The following FOXP2 variants were observed in gnomAD, a reference collection of about 807,000 sequenced individuals.
FOXP2 encodes the protein forkhead box P2.
Under a neutral mutation model 115.8 loss-of-function variants are expected in FOXP2, and 12 were observed. That is an observed-to-expected ratio of 0.10 (90% CI 0.07 to 0.17). The LOEUF is 0.17. Ranked by LOEUF, FOXP2 falls within the 10% of genes least tolerant of loss-of-function variation. The pLI, the probability that FOXP2 is intolerant of heterozygous loss-of-function variation, is 1.00. For synonymous variants in FOXP2, 328 were observed against 297.7 expected (o/e 1.10, Z -1.05); for missense variants, 629 against 843.5 (o/e 0.75, Z 3.15).
At chr7:114,290,363 G>A (rs933495939) in intron 2 of FOXP2, among the ~76,000 whole-genome samples, 1 of 151,828 alleles carries the variant, frequency 6.6e-6, no homozygotes, top group African/African-American at 2.4e-5. Context: ...TAGGCATGTG[G>A]GTGGATGTGT....
intron 2 of FOXP2, among the ~76,000 whole-genome samples, chr7:114,513,511 G>A (rs1236245676): frequency 6.6e-6 from 1 of 152,092 alleles, no homozygotes; most frequent in African/African-American, 2.4e-5. Context: ...AAGGAGTTGA[G>A]CCTAAGATTC....
intron 1 of FOXP2, among the ~76,000 whole-genome samples, chr7:114,271,930 T>C (rs1487064221): frequency 1.6e-5 from 2 of 127,606 alleles, no homozygotes; most frequent in East Asian, 4.3e-4. Flanking sequence ...ATAATTATTA[T>C]AATATTAATA....
chr7:114,153,040 A>T (rs1792568074), intron 1 of FOXP2, among the ~76,000 whole-genome samples: 1 of 152,166 alleles, frequency 6.6e-6, no homozygotes, highest in Non-Finnish European at 1.5e-5. Flanking sequence ...TTATTTGTTT[A>T]TAGATCTTAT....
At chr7:114,598,308 G>T (rs949961526) in intron 3 of FOXP2, among the ~76,000 whole-genome samples, 1 of 151,620 alleles carries the variant, frequency 6.6e-6, no homozygotes, top group Non-Finnish European at 1.5e-5. Context: ...ATGTCTATAG[G>T]TGAGGATAAA....
At chr7:114,415,866 G>C (rs1259538413) in intron 1 of FOXP2, among the ~76,000 whole-genome samples, 3 of 151,900 alleles carry the variant, frequency 2.0e-5, no homozygotes, top group Admixed American at 2.0e-4. Context: ...AAACATGAAA[G>C]GAGTCAGGGC....
chr7:114,470,204 C>T (rs1490900894), intron 2 of FOXP2, among the ~76,000 whole-genome samples: 1 of 152,156 alleles, frequency 6.6e-6, no homozygotes. Context: ...TCTCCCATTG[C>T]TCTCTTAGCT....
chr7:114,621,317 A>T (rs1309733701), intron 3 of FOXP2, among the ~76,000 whole-genome samples: 1 of 152,072 alleles, frequency 6.6e-6, no homozygotes, highest in Admixed American at 6.6e-5. Flanking sequence ...GGGTAGACAG[A>T]TATGATTTAT....
intron 2 of FOXP2, among the ~76,000 whole-genome samples, chr7:114,403,211 A>G (rs530851090): frequency 1.4e-4 from 22 of 152,208 alleles, no homozygotes; most frequent in Non-Finnish European, 2.9e-4. Context: ...ATGCATAAAA[A>G]CACTAATGGC....
rs547438945 is a variant in FOXP2 at position 114,125,549 on chromosome 7, T to C, written c.-246-37395T>C. On this transcript the variant is annotated intron_variant, in intron 1 of 19. Coordinates refer to the FOXP2 transcript ENST00000635638. ...ATAGAAGTTTTCAGGAGGGAATAAA[T>C]AATGATTTTGGAAAGGGAACTCAGA... Among the ~76,000 whole-genome samples, 11 of 152,192 alleles carry C rather than the reference T, an allele frequency of 7.2e-5. 1 individual carries two copies. The East Asian group carries it at 9.7e-4, about 13-fold the overall frequency.
At chr7:114,601,984 T>C (rs143506429) in intron 3 of FOXP2, among the ~76,000 whole-genome samples, 1,539 of 152,220 alleles carry the variant, frequency 0.01, 14 homozygotes, top group Non-Finnish European at 0.014. Context: ...GAGATATATG[T>C]GTGTGTAACA....
intron 1 of FOXP2, among the ~76,000 whole-genome samples, chr7:114,147,188 G>T (rs1227470058): frequency 6.6e-6 from 1 of 152,152 alleles, no homozygotes; most frequent in African/African-American, 2.4e-5. Context: ...ATATATATAA[G>T]ATGGGGTTGT....
At position 114,189,765 on chromosome 7, in the gene FOXP2, C is replaced by T. The variant is rs977766015; in HGVS notation, c.-102+26677C>T. Among the ~76,000 whole-genome samples the T allele has an allele frequency of 5.3e-5, 8 of 152,068 alleles. No homozygotes were observed. In the South Asian group the frequency reaches 8.3e-4, roughly 16 times the overall value. On this transcript the variant is annotated intron_variant, in intron 1 of 17. Transcript: ENST00000634411. The stretch of plus-strand genomic sequence containing the variant: ...TGTTATTGACTTGATTACCATATTC[C>T]TTTTATTCTTTAGAGATCACTAGGT...
At chr7:114,559,474 A>G (rs1361957447) in intron 3 of FOXP2, among the ~76,000 whole-genome samples, 2 of 152,224 alleles carry the variant, frequency 1.3e-5, no homozygotes, top group Non-Finnish European at 2.9e-5. Context: ...AGTGCCAGCT[A>G]TGATAGCAGC....
intron 1 of FOXP2, among the ~76,000 whole-genome samples, chr7:114,212,664 T>C (rs1487181102): frequency 1.3e-5 from 2 of 152,194 alleles, no homozygotes; most frequent in Non-Finnish European, 2.9e-5. Flanking sequence ...TGTAGTTGTT[T>C]TTTACCCTGC....
At chr7:114,386,858 C>T (rs1459354991) in intron 2 of FOXP2, among the ~76,000 whole-genome samples, 1 of 152,148 alleles carries the variant, frequency 6.6e-6, no homozygotes, top group Non-Finnish European at 1.5e-5. Flanking sequence ...TATCTACTTA[C>T]TGTTGAAAAC....
chr7:114,501,701 A>G (rs1797572548), intron 2 of FOXP2, among the ~76,000 whole-genome samples: 1 of 152,156 alleles, frequency 6.6e-6, no homozygotes, highest in African/African-American at 2.4e-5. Flanking sequence ...AAAATAAAAT[A>G]TACTTTATCT....
upstream of FOXP2, among the ~76,000 whole-genome samples, chr7:114,162,694 G>T (rs1792875250): frequency 6.6e-6 from 1 of 151,894 alleles, no homozygotes. Flanking sequence ...TTTAGATTTT[G>T]ATTATTAATT....
chr7:114,638,721 G>GT (rs1056771215), intron 6 of FOXP2, among the ~76,000 whole-genome samples: 2 of 152,082 alleles, frequency 1.3e-5, no homozygotes, highest in African/African-American at 4.8e-5. Flanking sequence ...TAAAATTGTG[G>GT]TTTTATTGGT....
chr7:114,610,529 T>C (rs1230997671), intron 3 of FOXP2, among the ~76,000 whole-genome samples: 2 of 152,198 alleles, frequency 1.3e-5, no homozygotes, highest in Admixed American at 6.5e-5. Context: ...ATATCCTTAA[T>C]TGAAACCATT....
Sources: allele counts gnomAD v4.1 joint callset (sites outside exome capture counted in the v4.1 genomes callset), GRCh38; gene constraint gnomAD v4.1.1; transcripts MANE v1.5; gene names NCBI Gene and HGNC (gene_info 2026-07-23, HGNC 2026-07-21).